RBFOX1: variants seen among roughly 807,000 people sequenced by gnomAD.
RBFOX1 encodes the protein RNA binding protein fox-1 homolog 1.
RBFOX1 carries 8 observed loss-of-function variants against 57.7 expected under a neutral mutation model. That is an observed-to-expected ratio of 0.14 (90% CI 0.08 to 0.25). The LOEUF is 0.25. RBFOX1 is among the 10% of genes least tolerant of loss of function. The pLI is 1.00. For missense variants in RBFOX1, 611 were observed against 548.5 expected (o/e 1.11, Z -1.14); for synonymous variants, 326 against 222.4 (o/e 1.47, Z -4.15).
chr16:5,547,105 T>C (rs77355236), intron 2 of RBFOX1, among the ~76,000 whole-genome samples: 1,754 of 152,234 alleles, frequency 0.012, 40 homozygotes, highest in African/African-American at 0.04. Context: ...CCACACCAAG[T>C]CTTGGCAAGG....
chr16:7,707,991 G>A (rs184733911), intron 14 of RBFOX1, among the ~76,000 whole-genome samples: 1 of 152,130 alleles, frequency 6.6e-6, no homozygotes, highest in Admixed American at 6.5e-5. Context: ...ATCTGGCAGG[G>A]CAAACAAGTA....
At chr16:6,278,377 C>CAAAAAAAAAAAAAAAA (rs57523660) in intron 1 of RBFOX1, among the ~76,000 whole-genome samples, 1 of 28,042 alleles carries the variant, frequency 3.6e-5, no homozygotes, top group Non-Finnish European at 6.1e-5. Context: ...TAGGACTCAC[C>CAAAAAAAAAAAAAAAA]AAAAAAAAAA....
At chr16:6,877,067 A>G (rs17141619) in intron 3 of RBFOX1, among the ~76,000 whole-genome samples, 2,717 of 152,318 alleles carry the variant, frequency 0.018, 46 homozygotes, top group African/African-American at 0.023. Flanking sequence ...TGTTTGCTTC[A>G]TAACTGGCCA....
chr16:5,251,648 C>T (rs1465973231), intron 1 of RBFOX1, among the ~76,000 whole-genome samples: 3 of 152,012 alleles, frequency 2.0e-5, no homozygotes, highest in East Asian at 1.9e-4. Flanking sequence ...TGATAGATAC[C>T]AGAACAGTGG....
At chr16:6,806,344 A>G (rs1002342916) in intron 3 of RBFOX1, among the ~76,000 whole-genome samples, 3 of 152,216 alleles carry the variant, frequency 2.0e-5, no homozygotes, top group African/African-American at 7.2e-5. Flanking sequence ...CCAAAAAACT[A>G]TAGAGTTTTG....
intron 3 of RBFOX1, among the ~76,000 whole-genome samples, chr16:5,638,510 C>T (rs2048759158): frequency 6.6e-6 from 1 of 152,184 alleles, no homozygotes; most frequent in Non-Finnish European, 1.5e-5. Flanking sequence ...GGATACTCAC[C>T]TGCCACCCCC....
chr16:6,654,518 T>G (rs1167890664), intron 2 of RBFOX1, 85 bp from the exon 3 acceptor site: 1 of 1,108,858 alleles, frequency 9.0e-7, no homozygotes, highest in African/African-American at 1.6e-5. Context: ...TAAAGGGCAT[T>G]TCAACAACAC....
intron 1 of RBFOX1, chr16:5,365,897 T>C: frequency 4.0e-6 from 2 of 502,294 alleles, no homozygotes; most frequent in African/African-American, 1.9e-5. Flanking sequence ...TCAAGGTGGA[T>C]AATGATGAAA....
intron 3 of RBFOX1, among the ~76,000 whole-genome samples, chr16:6,810,620 C>G (rs145107075): frequency 1.3e-5 from 2 of 151,902 alleles, no homozygotes; most frequent in Admixed American, 6.6e-5. Flanking sequence ...TTCCTGGAGA[C>G]TGGGTATTTT....
intron 4 of RBFOX1, among the ~76,000 whole-genome samples, chr16:7,207,235 T>C (rs1445640067): frequency 2.6e-5 from 4 of 152,212 alleles, no homozygotes; most frequent in Non-Finnish European, 5.9e-5. Flanking sequence ...TATGGCATCA[T>C]TGGCCGGGCG....
chr16:6,525,649 C>T (rs1167142210), intron 2 of RBFOX1, among the ~76,000 whole-genome samples: 3 of 151,994 alleles, frequency 2.0e-5, no homozygotes, highest in East Asian at 3.9e-4. Context: ...CTGGAGAGAA[C>T]CCCGTCTCTA....
chr16:7,676,868 C>A, intron 14 of RBFOX1, 30 bp downstream of exon 14: 3 of 1,578,032 alleles, frequency 1.9e-6, no homozygotes, highest in Non-Finnish European at 1.7e-6. Flanking sequence ...TGCTTGACAA[C>A]TACTTGTAAA....
chr16:7,457,269 A>G (rs1251325433), intron 4 of RBFOX1, among the ~76,000 whole-genome samples: 3 of 152,000 alleles, frequency 2.0e-5, no homozygotes, highest in Non-Finnish European at 4.4e-5. Flanking sequence ...CACACAGTTG[A>G]CTGTTGTGTC....
chr16:5,588,117 T>C (rs980255914), intron 2 of RBFOX1, among the ~76,000 whole-genome samples: 6 of 152,094 alleles, frequency 3.9e-5, no homozygotes, highest in African/African-American at 1.4e-4. Context: ...CAAAAGACCA[T>C]AGATTGTGTG....
At chr16:7,224,227 A>G (rs993979441) in intron 4 of RBFOX1, among the ~76,000 whole-genome samples, 1 of 148,396 alleles carries the variant, frequency 6.7e-6, no homozygotes, top group African/African-American at 2.5e-5. Context: ...TGATGCTGCC[A>G]TTCCAGTTAT....
At chr16:7,430,948 TAGACTC>T (rs2098673448) in intron 4 of RBFOX1, among the ~76,000 whole-genome samples, 2 of 152,350 alleles carry the variant, frequency 1.3e-5, no homozygotes, top group African/African-American at 4.8e-5. Flanking sequence ...GCTAGTTTCT[TAGACTC>T]AGAAAAATAG....
chr16:6,829,998 C>T (rs1250363323), intron 3 of RBFOX1, among the ~76,000 whole-genome samples: 1 of 152,042 alleles, frequency 6.6e-6, no homozygotes, highest in Non-Finnish European at 1.5e-5. Flanking sequence ...CTCTCTGCCA[C>T]CTCCGCCTTC....
chr16:6,732,680 G>C (rs551154387), intron 3 of RBFOX1, among the ~76,000 whole-genome samples: 1 of 152,210 alleles, frequency 6.6e-6, no homozygotes, highest in African/African-American at 2.4e-5. Flanking sequence ...CATTTACATA[G>C]TATGTTGACG....
intron 2 of RBFOX1, among the ~76,000 whole-genome samples, chr16:5,597,806 A>G (rs1159766976): frequency 2.0e-5 from 3 of 152,102 alleles, no homozygotes; most frequent in South Asian, 2.1e-4. Flanking sequence ...TGGGAATACT[A>G]CGACGGTGAT....
Sources: gnomAD v4.1 joint callset for allele counts (sites outside exome capture counted in the v4.1 genomes callset) on GRCh38, gnomAD v4.1.1 for gene constraint, MANE v1.5 for transcripts, NCBI Gene and HGNC (gene_info 2026-07-23, HGNC 2026-07-21) for gene names.